The following FBXO36 variants were observed in gnomAD, a reference collection of about 807,000 sequenced individuals.
The protein encoded by FBXO36 is F-box protein 36.
Under a neutral mutation model 17.0 loss-of-function variants are expected in FBXO36, and 18 were observed. That is an observed-to-expected ratio of 1.06 (90% CI 0.73 to 1.57). The LOEUF (loss-of-function observed/expected upper bound fraction) is 1.57. FBXO36 is among the 40% of genes most tolerant of loss of function. The pLI, the probability that FBXO36 is intolerant of heterozygous loss-of-function variation, is 0.00. For missense variants in FBXO36, 229 were observed against 221.9 expected, an observed-to-expected ratio of 1.03 and a Z score of -0.20; for synonymous variants, 83 against 85.3, an observed-to-expected ratio of 0.97 and a Z score of 0.15.
At chr2:229,969,384 T>TAA (rs756723393) in intron 1 of FBXO36, among the ~76,000 whole-genome samples, 5 of 118,610 alleles carry the variant, frequency 4.2e-5, no homozygotes, top group African/African-American at 6.3e-5. Context: ...ACTCACAAAT[T>TAA]AAAAAAAAAA....
At chr2:229,945,868 C>T (rs980623324) in intron 1 of FBXO36, among the ~76,000 whole-genome samples, 3 of 151,456 alleles carry the variant, frequency 2.0e-5, no homozygotes, top group Admixed American at 2.0e-4. Flanking sequence ...ACGAAAAATA[C>T]AAAATTAGCC....
chr2:229,954,375 T>A (rs2077073888), intron 1 of FBXO36, among the ~76,000 whole-genome samples: 1 of 150,048 alleles, frequency 6.7e-6, no homozygotes, highest in Non-Finnish European at 1.5e-5. Flanking sequence ...CCCTAGTAAC[T>A]GGGATTACAG....
intron 2 of FBXO36, among the ~76,000 whole-genome samples, chr2:229,977,332 G>T (rs2077214182): frequency 6.6e-6 from 1 of 151,880 alleles, no homozygotes; most frequent in African/African-American, 2.4e-5. Context: ...CAGTTTGCTT[G>T]CATAAGAACT....
intron 1 of FBXO36, among the ~76,000 whole-genome samples, chr2:229,949,978 G>T (rs1411684839): frequency 6.6e-6 from 1 of 152,126 alleles, no homozygotes; most frequent in Non-Finnish European, 1.5e-5. Flanking sequence ...ACATTAGATG[G>T]CAGCCAACTG....
At chr2:230,007,525 G>A (rs888724195) in intron 3 of FBXO36, among the ~76,000 whole-genome samples, 1 of 152,148 alleles carries the variant, frequency 6.6e-6, no homozygotes, top group African/African-American at 2.4e-5. Flanking sequence ...TGGTAGATCT[G>A]AGGTGGAACC....
At chr2:229,967,127 C>A (rs1212612933) in intron 1 of FBXO36, among the ~76,000 whole-genome samples, 1 of 152,132 alleles carries the variant, frequency 6.6e-6, no homozygotes, top group African/African-American at 2.4e-5. Flanking sequence ...GTATTTTATT[C>A]TCTTTGAAGC....
intron 1 of FBXO36, among the ~76,000 whole-genome samples, chr2:229,958,810 T>G (rs2077105797): frequency 6.6e-6 from 1 of 152,216 alleles, no homozygotes; most frequent in African/African-American, 2.4e-5. Flanking sequence ...CAAATTCCAG[T>G]AATAAGTTAA....
intron 3 of FBXO36, among the ~76,000 whole-genome samples, chr2:230,004,959 T>C (rs2077379370): frequency 6.6e-6 from 1 of 152,124 alleles, no homozygotes; most frequent in South Asian, 2.1e-4. Flanking sequence ...TGAGCCGAGA[T>C]TGACCCATTG....
At chr2:229,953,423 C>T (rs2077067985) in intron 1 of FBXO36, among the ~76,000 whole-genome samples, 1 of 151,740 alleles carries the variant, frequency 6.6e-6, no homozygotes, top group Non-Finnish European at 1.5e-5. Context: ...TGCCTGTAAT[C>T]TCAGAACCTT....
chr2:229,969,843 A>G (rs965810783), intron 1 of FBXO36, among the ~76,000 whole-genome samples: 7 of 152,194 alleles, frequency 4.6e-5, no homozygotes, highest in African/African-American at 1.7e-4. Context: ...ACAATATATA[A>G]ACAAACAATC....
At chr2:230,003,031 T>A (rs1009230318) in intron 3 of FBXO36, among the ~76,000 whole-genome samples, 1 of 151,764 alleles carries the variant, frequency 6.6e-6, no homozygotes. Flanking sequence ...GCCAACATGA[T>A]GAAACCCCCG....
intron 1 of FBXO36, among the ~76,000 whole-genome samples, chr2:229,959,085 G>C (rs1490459035): frequency 1.3e-5 from 2 of 151,992 alleles, no homozygotes; most frequent in Non-Finnish European, 2.9e-5. Context: ...ATTCACTTAG[G>C]TTATCCATCT....
At chr2:229,936,816 A>T (rs949956940) in intron 1 of FBXO36, among the ~76,000 whole-genome samples, 1 of 152,164 alleles carries the variant, frequency 6.6e-6, no homozygotes, top group African/African-American at 2.4e-5. Context: ...GGCTACAGCG[A>T]GTCGTGATTG....
chr2:229,935,133 G>T (rs2076957664), intron 1 of FBXO36, among the ~76,000 whole-genome samples: 1 of 152,142 alleles, frequency 6.6e-6, no homozygotes, highest in Non-Finnish European at 1.5e-5. Context: ...CGCCACAGAG[G>T]AAAGCATCTG....
rs1274806088 is a variant in FBXO36 at position 229,971,836 on chromosome 2, A to AT, written c.97-4397dup. 8.6e-5 allele frequency among the ~76,000 whole-genome samples: 13 copies of AT among 150,868 alleles called. No homozygotes were observed. The East Asian group carries it at 1.8e-3, about 20-fold the overall frequency. On this transcript the variant is annotated intron_variant, in intron 1 of 3. Transcript: ENST00000283946. ...AGACACGCACCACCAACCCCAACTA[A>AT]TTTTTTTTGTTTTTAATTTTTTGTA...
At position 229,948,862 on chromosome 2, in the gene FBXO36, C is replaced by G. The variant is rs570420087; in HGVS notation, c.96+26253C>G. 4.6e-5 allele frequency among the ~76,000 whole-genome samples: 7 copies of G among 152,232 alleles called. No individual in the cohort carries two copies. In the East Asian group the frequency reaches 1.3e-3, roughly 29 times the overall value. On this transcript the variant is annotated intron_variant, in intron 1 of 3. Coordinates refer to ENST00000283946, the MANE Select transcript of FBXO36 (RefSeq NM_174899.5). ...ATTTTTTATTTTTTTGAGACGAAGTCTCATTCTGTTGCCCAGGCTGGAGCG... is the reference window on the plus strand; with the variant it reads ...ATTTTTTATTTTTTTGAGACGAAGTGTCATTCTGTTGCCCAGGCTGGAGCG...
At chr2:229,922,946 A>G (rs1239739134) in intron 1 of FBXO36, among the ~76,000 whole-genome samples, 1 of 152,174 alleles carries the variant, frequency 6.6e-6, no homozygotes, top group African/African-American at 2.4e-5. Context: ...GCCTCACCTC[A>G]GCGTGAGAAG....
In FBXO36 at chr2:229,922,534, G is replaced by T; in HGVS notation, c.21G>T (p.Glu7Asp). 2.5e-6 allele frequency: 4 copies of T among 1,613,946 alleles called. No homozygotes were observed. Among genetic ancestry groups the T allele is most frequent in the Non-Finnish European group, 3.4e-6 (4 of 1,179,996 alleles). Residue 7 changes from glutamate (E) to aspartate (D), a missense_variant, in exon 1 of 4, where the codon GAG becomes GAT. Transcript: ENST00000283946. ...CCAAGATGGCGTCGTGGCTGCCGGAGACTCTCTTTGAAACTGTAGGACAAG... is the reference window on the plus strand; with the variant it reads ...CCAAGATGGCGTCGTGGCTGCCGGATACTCTCTTTGAAACTGTAGGACAAG... Reference protein sequence around the residue: MASWLPETLFETVGQGP... With the variant: MASWLPDTLFETVGQGP...
intron 1 of FBXO36, among the ~76,000 whole-genome samples, chr2:229,941,381 G>T (rs2076997997): frequency 6.6e-6 from 1 of 152,136 alleles, no homozygotes; most frequent in Non-Finnish European, 1.5e-5. Flanking sequence ...CTTGAACCCA[G>T]GAGGCAGAAG....
Sources: gnomAD v4.1 joint callset for allele counts (sites outside exome capture counted in the v4.1 genomes callset) on GRCh38, gnomAD v4.1.1 for gene constraint, MANE v1.5 for transcripts, NCBI Gene and HGNC (gene_info 2026-07-23, HGNC 2026-07-21) for gene names.